ZNF546: variants seen among roughly 807,000 people sequenced by gnomAD.
ZNF546 encodes the protein zinc finger protein 546, also known as CTC-471F3.6.
Under a neutral mutation model 76.2 loss-of-function variants are expected in ZNF546, and 60 were observed. That is an observed-to-expected ratio of 0.79 (90% CI 0.64 to 0.98). The LOEUF (loss-of-function observed/expected upper bound fraction) is 0.98, where lower values mean the gene tolerates loss of function less well. Among genes scored for constraint, ZNF546 ranks in the 50% least tolerant of loss-of-function variants. ZNF546 has a pLI of 0.00. For missense variants in ZNF546, 936 were observed against 1,035.6 expected (o/e 0.90, Z 1.32); for synonymous variants, 277 against 328.1 (o/e 0.84, Z 1.68).
chr19:40,002,495 A>G (rs149449474), intron 3 of ZNF546, among the ~76,000 whole-genome samples: 48 of 152,328 alleles, frequency 3.2e-4, no homozygotes, highest in Non-Finnish European at 3.8e-4. Flanking sequence ...AATAGACTGA[A>G]TAAGTATAAG....
chr19:40,008,164 A>G (rs1971628270), intron 5 of ZNF546, among the ~76,000 whole-genome samples: 1 of 152,214 alleles, frequency 6.6e-6, no homozygotes, highest in Non-Finnish European at 1.5e-5. Context: ...GGTAGGTGGC[A>G]GAAGATTTGA....
intron 5 of ZNF546, 66 bp downstream of exon 5, chr19:40,007,466 C>T: frequency 1.4e-6 from 2 of 1,421,716 alleles, no homozygotes; most frequent in Non-Finnish European, 1.9e-6. Flanking sequence ...CACTGTCAAA[C>T]TTTAGAACTC....
chr19:40,014,960 C>T lies in ZNF546; in HGVS notation c.1690C>T (p.His564Tyr), dbSNP rs1971736808. ...TAAGGAATGTGGGAAGGCTTTTATT[C>T]ATAGCAATCAATTTATTTCACACCA... is the stretch of plus-strand genomic sequence containing the variant. Reference protein sequence around the residue: ...ECKECGKAFIHSNQFISHQRI... With the variant: ...ECKECGKAFIYSNQFISHQRI... The change falls in exon 7 of 7, where the codon CAT becomes TAT. Residue 564 changes from histidine to tyrosine, a missense_variant. His to Tyr is a moderately conservative substitution (Grantham distance 83). Transcript: ENST00000347077. 1 of 1,613,986 alleles carries T rather than the reference C, an allele frequency of 6.2e-7. No homozygotes were observed. Among genetic ancestry groups the T allele is most frequent in the Non-Finnish European group, 8.5e-7 (1 of 1,179,974 alleles).
chr19:40,013,884 C>G lies in ZNF546; in HGVS notation c.614C>G (p.Pro205Arg). 1 of 1,606,998 alleles carries G rather than the reference C, an allele frequency of 6.2e-7. No homozygotes were observed. The highest frequency in any genetic ancestry group is 1.1e-5 in the South Asian group (1 of 89,882). The change falls in exon 7 of 7, where the codon CCT becomes CGT. Residue 205 changes from proline to arginine, a missense_variant. By Grantham distance (103) the Pro-to-Arg change is moderately radical. Coordinates refer to ENST00000347077, the MANE Select transcript of ZNF546 (RefSeq NM_178544.5). ...QMLIQKQISH[P>R]LHPKIHAREK... Reference sequence around the variant, plus strand: ...CTAATCCAAAAACAAATATCTCATCCTCTACATCCAAAAATTCATGCTAGA... The same window carrying G: ...CTAATCCAAAAACAAATATCTCATCGTCTACATCCAAAAATTCATGCTAGA...
rs559263925 is a variant in ZNF546, at chr19:40,013,944, C to G, written c.674C>G (p.Ala225Gly). 2 of 1,611,906 alleles carry G rather than the reference C, an allele frequency of 1.2e-6. No homozygotes were observed. The highest frequency in any genetic ancestry group is 1.7e-5 in the Admixed American group (1 of 59,726). Residue 225 changes from alanine to glycine, a missense_variant, in exon 7 of 7, where the codon GCC (alanine) becomes GGC (glycine). Coordinates refer to ENST00000347077, the MANE Select transcript of ZNF546 (RefSeq NM_178544.5). The part of the protein sequence containing the change: ...KSYECKECRK[A>G]FRQQSYLIQH... ...TATGAATGTAAGGAATGTAGAAAGG[C>G]CTTTAGACAACAGTCATACCTTATT... is the stretch of plus-strand genomic sequence containing the variant.
rs755620534 is a variant in ZNF546 at position 40,020,329 on chromosome 19, C to A, written c.*4548C>A. ...AGCCATAATATATCATTGTACAAGT[C>A]ATTTACTATCTAATTATATCATTGC... is the stretch of plus-strand genomic sequence containing the variant. On this transcript the variant is annotated 3_prime_UTR_variant, in exon 7 of 7. Coordinates refer to ENST00000347077, the MANE Select transcript of ZNF546 (RefSeq NM_178544.5). 1.3e-5 allele frequency: 2 copies of A among 152,152 alleles called. No individual in the cohort carries two copies. Among genetic ancestry groups the A allele is most frequent in the Non-Finnish European group, 2.9e-5 (2 of 67,990 alleles). The allele number at this position is 152,152 out of a possible 1,614,324, so 9.4% of individuals were successfully genotyped here.
chr19:40,004,356 C>T (rs1971575540), intron 3 of ZNF546, among the ~76,000 whole-genome samples: 3 of 152,012 alleles, frequency 2.0e-5, no homozygotes, highest in African/African-American at 4.8e-5. Flanking sequence ...CAACCTCCAC[C>T]TCCTGGGTTC....
chr19:40,014,159 G>A lies in ZNF546; in HGVS notation c.889G>A (p.Gly297Ser). 6.2e-7 allele frequency: 1 copy of A among 1,613,974 alleles called. No homozygotes were observed. The highest frequency in any genetic ancestry group is 8.5e-7 in the Non-Finnish European group (1 of 1,179,966). ...HLTEHQRIHS[G>S]VKPYECKECG... ...TACTGAACATCAGAGAATACATTCT[G>A]GTGTGAAACCCTACGAGTGTAAGGA... Residue 297 changes from glycine (G) to serine (S), a missense_variant, in exon 7 of 7, where the codon GGT (glycine) becomes AGT (serine). Transcript: ENST00000347077.
chr19:40,013,640 C>A (rs1483795287), intron 6 of ZNF546, 25 bp from the exon 7 acceptor site: 2 of 1,091,566 alleles, frequency 1.8e-6, no homozygotes, highest in Admixed American at 3.6e-5. Context: ...TTACTCTTTG[C>A]TTTTTTTTTT....
In ZNF546 at chr19:40,015,522, G is replaced by A. The variant is rs776915820; in HGVS notation, c.2252G>A (p.Cys751Tyr). ...RLHTGEKPYS[C>Y]KECGNAFRLQ... ...CATACTGGTGAGAAACCTTATAGCT[G>A]TAAAGAATGTGGGAATGCCTTTCGT... is the stretch of plus-strand genomic sequence containing the variant. Residue 751 changes from cysteine to tyrosine, a missense_variant, in exon 7 of 7, where the codon TGT becomes TAT. Cys to Tyr is a radical substitution (Grantham distance 194, BLOSUM62 -2). Transcript: ENST00000347077. 3 of 1,614,142 alleles carry A rather than the reference G, an allele frequency of 1.9e-6. No individual in the cohort carries two copies. In the South Asian group the frequency reaches 3.3e-5, roughly 18 times the overall value.
intron 6 of ZNF546, among the ~76,000 whole-genome samples, chr19:40,008,780 C>T (rs568904625): frequency 1.2e-4 from 19 of 152,314 alleles, no homozygotes; most frequent in East Asian, 3.9e-4. Context: ...TCTCTTCTCT[C>T]GTATTTCTCT....
intron 3 of ZNF546, among the ~76,000 whole-genome samples, chr19:40,000,610 T>C (rs423545): frequency 0.17 from 22,794 of 138,018 alleles, 4,217 homozygotes; most frequent in African/African-American, 0.46. Flanking sequence ...AGTGAGACTC[T>C]GTCTCAAAAA....
intron 6 of ZNF546, among the ~76,000 whole-genome samples, chr19:40,009,540 A>G (rs1971645827): frequency 6.6e-6 from 1 of 152,226 alleles, no homozygotes; most frequent in Admixed American, 6.5e-5. Context: ...TAAACTGCAC[A>G]CATTTAAAGT....
Position 40,006,079 on chromosome 19 carries a change from C to G in ZNF546, c.85-17C>G. The G allele has an allele frequency of 1.2e-6, 2 of 1,612,348 alleles. No homozygotes were observed. Among genetic ancestry groups the G allele is most frequent in the Non-Finnish European group, 1.7e-6 (2 of 1,178,554 alleles). On this transcript the variant is annotated splice_polypyrimidine_tract_variant and intron_variant, in intron 3 of 6. Coordinates refer to ENST00000347077, the MANE Select transcript of ZNF546 (RefSeq NM_178544.5). Reference sequence around the variant, plus strand: ...TGACACACATCTGGTCTCAGAGTCACTTGTTCTTCCCCCCAGCCCCGGTTT... The same window carrying G: ...TGACACACATCTGGTCTCAGAGTCAGTTGTTCTTCCCCCCAGCCCCGGTTT...
intron 6 of ZNF546, among the ~76,000 whole-genome samples, chr19:40,011,871 C>T (rs1055379128): frequency 3.3e-5 from 5 of 152,166 alleles, no homozygotes; most frequent in African/African-American, 9.7e-5. Context: ...CCCTATGCCT[C>T]GCTCTTATAA....
Position 40,014,732 on chromosome 19 carries a change from C to T in ZNF546, c.1462C>T (p.Leu488=). Residue 488 remains leucine, a synonymous_variant, in exon 7 of 7, where the codon CTG becomes TTG. Coordinates refer to ENST00000347077, the MANE Select transcript of ZNF546 (RefSeq NM_178544.5). ...FICGYQLTLH[L]RTHTGEIPYE... The stretch of plus-strand genomic sequence containing the variant: ...TTGTGGTTATCAACTTACTTTACAT[C>T]TGAGAACTCACACCGGTGAGATTCC... The T allele has an allele frequency of 6.2e-7, 1 of 1,613,624 alleles. No homozygotes were observed. The highest frequency in any genetic ancestry group is 8.5e-7 in the Non-Finnish European group (1 of 1,179,960).
Position 40,014,725 on chromosome 19 carries a change from T to C in ZNF546, c.1455T>C (p.Thr485=). 1 of 1,613,808 alleles carries C rather than the reference T, an allele frequency of 6.2e-7. No homozygotes were observed. The highest frequency in any genetic ancestry group is 1.3e-5 in the African/African-American group (1 of 74,960). The part of the protein sequence containing the change: ...GKAFICGYQL[T]LHLRTHTGEI... Reference sequence around the variant, plus strand: ...CCTTTATTTGTGGTTATCAACTTACTTTACATCTGAGAACTCACACCGGTG... The same window carrying C: ...CCTTTATTTGTGGTTATCAACTTACCTTACATCTGAGAACTCACACCGGTG... The change falls in exon 7 of 7, where the codon ACT becomes ACC. Residue 485 remains threonine (T), a synonymous_variant. Transcript: ENST00000347077.
In ZNF546 at chr19:40,008,488, C is replaced by T. The variant is rs759820428; in HGVS notation, c.317C>T (p.Pro106Leu). Residue 106 changes from proline to leucine, a missense_variant, in exon 6 of 7, where the codon CCA (proline) becomes CTA (leucine). Physicochemically the swap from Pro to Leu is moderately conservative, Grantham distance 98. Transcript: ENST00000347077. ...TGAGCAGGATATACCATTCCTAAGCCAGATGTGATTACTTTATTGGAGCAA... is the reference window on the plus strand; with the variant it reads ...TGAGCAGGATATACCATTCCTAAGCTAGATGTGATTACTTTATTGGAGCAA... ...LVSLGYTIPKPDVITLLEQEK... is the reference protein window; with the variant it reads ...LVSLGYTIPKLDVITLLEQEK... The T allele has an allele frequency of 6.2e-7, 1 of 1,610,930 alleles. No individual in the cohort carries two copies. The highest frequency in any genetic ancestry group is 1.7e-5 in the Admixed American group (1 of 59,990).
At position 40,014,634 on chromosome 19, in the gene ZNF546, A is replaced by T; in HGVS notation, c.1364A>T (p.Glu455Val). The T allele has an allele frequency of 6.2e-7, 1 of 1,613,470 alleles. No individual in the cohort carries two copies. The highest frequency in any genetic ancestry group is 8.5e-7 in the Non-Finnish European group (1 of 1,179,682). The change falls in exon 7 of 7, where the codon GAA (glutamate) becomes GTA (valine). Residue 455 changes from glutamate to valine, a missense_variant. Physicochemically the swap from Glu to Val is moderately radical, Grantham distance 121. Transcript: ENST00000347077. ...ECGKAFRLQTELTRHHRTHTG... is the reference protein window; with the variant it reads ...ECGKAFRLQTVLTRHHRTHTG... Reference sequence around the variant, plus strand: ...GGAAAAGCCTTTCGTCTTCAAACGGAACTTACTCGGCATCATAGAACTCAT... The same window carrying T: ...GGAAAAGCCTTTCGTCTTCAAACGGTACTTACTCGGCATCATAGAACTCAT...
Sources: allele counts gnomAD v4.1 joint callset (sites outside exome capture counted in the v4.1 genomes callset), GRCh38; gene constraint gnomAD v4.1.1; transcripts MANE v1.5; gene names NCBI Gene and HGNC (gene_info 2026-07-23, HGNC 2026-07-21).